Variants in GRID1 observed in about 807,000 individuals in gnomAD.
GRID1 encodes the protein glutamate receptor ionotropic, delta-1.
GRID1 carries 28 observed loss-of-function variants against 98.0 expected under a neutral mutation model. The observed-to-expected ratio is 0.29, with a 90% CI of 0.21 to 0.39. GRID1 has a LOEUF of 0.39. Ranked by LOEUF, GRID1 falls within the 10% of genes least tolerant of loss-of-function variation. The pLI is 1.00. For synonymous variants in GRID1, 553 were observed against 538.5 expected (o/e 1.03, Z -0.37); for missense variants, 1,111 against 1,340.5 (o/e 0.83, Z 2.67).
chr10:85,984,399 C>A (rs1040926423), intron 4 of GRID1, among the ~76,000 whole-genome samples: 2 of 152,210 alleles, frequency 1.3e-5, no homozygotes, highest in African/African-American at 4.8e-5. Flanking sequence ...TACCACCTGG[C>A]CACCTGGGGC....
At chr10:86,355,658 A>T (rs899941071) in intron 2 of GRID1, among the ~76,000 whole-genome samples, 1 of 152,204 alleles carries the variant, frequency 6.6e-6, no homozygotes, top group Non-Finnish European at 1.5e-5. Context: ...CCTTTCTTCA[A>T]CCGTGGCCAT....
chr10:86,303,685 G>T (rs1847721211), intron 2 of GRID1, among the ~76,000 whole-genome samples: 1 of 152,222 alleles, frequency 6.6e-6, no homozygotes, highest in Non-Finnish European at 1.5e-5. Context: ...AAGGGTTGTG[G>T]ACAGGATTTC....
intron 2 of GRID1, among the ~76,000 whole-genome samples, chr10:86,270,719 T>A (rs1847172974): frequency 6.6e-6 from 1 of 151,920 alleles, no homozygotes; most frequent in African/African-American, 2.4e-5. Context: ...AAAAACAATT[T>A]GTACTTCTGC....
chr10:85,851,171 A>G (rs928089192), intron 8 of GRID1, among the ~76,000 whole-genome samples: 4 of 152,170 alleles, frequency 2.6e-5, no homozygotes, highest in Non-Finnish European at 1.5e-5. Flanking sequence ...CTGAGCCCTG[A>G]AAAAAACATG....
intron 13 of GRID1, among the ~76,000 whole-genome samples, chr10:85,632,454 T>C (rs953592588): frequency 6.6e-6 from 1 of 152,236 alleles, no homozygotes; most frequent in South Asian, 2.1e-4. Context: ...CTTCTAATTC[T>C]TAGATCTGGA....
At chr10:85,766,730 TTGTGTGTGTGTGTGTG>T (rs35691322) in intron 8 of GRID1, among the ~76,000 whole-genome samples, 21 of 138,352 alleles carry the variant, frequency 1.5e-4, no homozygotes, top group African/African-American at 5.5e-4. Context: ...AGGCAGATGA[TTGTGTGTGTGTGTGTG>T]TGTGTGTGTG....
chr10:85,716,828 T>A (rs2132643187), intron 12 of GRID1, among the ~76,000 whole-genome samples: 1 of 151,942 alleles, frequency 6.6e-6, no homozygotes, highest in South Asian at 2.1e-4. Flanking sequence ...TATTATATTA[T>A]GTTAACTCAA....
At chr10:85,853,146 C>T (rs994267239) in intron 8 of GRID1, among the ~76,000 whole-genome samples, 15 of 152,072 alleles carry the variant, frequency 9.9e-5, no homozygotes, top group African/African-American at 2.2e-4. Context: ...GAGCTCTACA[C>T]GGCTCCCTCC....
At chr10:86,069,586 G>C (rs1001704768) in intron 4 of GRID1, among the ~76,000 whole-genome samples, 1 of 152,080 alleles carries the variant, frequency 6.6e-6, no homozygotes, top group Non-Finnish European at 1.5e-5. Flanking sequence ...AGGCGGAGCT[G>C]GCAGTGAGCC....
chr10:86,361,683 TTTACA>T (rs1289522622), intron 2 of GRID1, among the ~76,000 whole-genome samples: 2 of 152,224 alleles, frequency 1.3e-5, no homozygotes, highest in Non-Finnish European at 2.9e-5. Context: ...TACTGTGTTG[TTTACA>T]TTATTTTATT....
intron 4 of GRID1, among the ~76,000 whole-genome samples, chr10:86,134,625 C>G (rs1398950179): frequency 6.6e-6 from 1 of 152,186 alleles, no homozygotes; most frequent in Non-Finnish European, 1.5e-5. Context: ...CCAGCCTCAG[C>G]TCCAGCCACT....
At chr10:86,296,306 CTGTT>C (rs1423609928) in intron 2 of GRID1, among the ~76,000 whole-genome samples, 2 of 152,232 alleles carry the variant, frequency 1.3e-5, no homozygotes, top group African/African-American at 2.4e-5. Flanking sequence ...CAATGTCTGT[CTGTT>C]TGAGGACAAG....
chr10:85,816,045 G>A (rs1842713272), intron 8 of GRID1, among the ~76,000 whole-genome samples: 1 of 151,974 alleles, frequency 6.6e-6, no homozygotes, highest in Non-Finnish European at 1.5e-5. Flanking sequence ...CAAAAATGTG[G>A]AGCAAAAAGA....
chr10:85,965,608 G>A (rs11201855), intron 4 of GRID1, among the ~76,000 whole-genome samples: 4,140 of 152,140 alleles, frequency 0.027, 125 homozygotes, highest in East Asian at 0.13. Flanking sequence ...GACATAGGGA[G>A]AGGAACATCA....
In GRID1 at chr10:86,305,369, C is replaced by T. The variant is rs187229094; in HGVS notation, c.235+58572G>A. On this transcript the variant is annotated intron_variant, in intron 2 of 15. Coordinates refer to ENST00000327946, the MANE Select transcript of GRID1 (RefSeq NM_017551.3). ...CTGCTCTGAGATGTGTCCCATAAGCCTATCTCTATTTCTCTTAAACTGATG... is the reference window on the plus strand; with the variant it reads ...CTGCTCTGAGATGTGTCCCATAAGCTTATCTCTATTTCTCTTAAACTGATG... Among the ~76,000 whole-genome samples, 480 of 152,334 alleles carry T rather than the reference C, an allele frequency of 3.2e-3. 3 individuals carry two copies. The highest frequency in any genetic ancestry group is 9.8e-3 in the African/African-American group (408 of 41,582).
intron 4 of GRID1, among the ~76,000 whole-genome samples, chr10:85,950,535 C>T (rs1842106965): frequency 6.6e-6 from 1 of 152,154 alleles, no homozygotes. Flanking sequence ...CAAGCCTGAC[C>T]AGACTGTGAT....
chr10:86,202,502 C>A (rs1024428203), intron 3 of GRID1, among the ~76,000 whole-genome samples: 18 of 152,258 alleles, frequency 1.2e-4, no homozygotes, highest in African/African-American at 4.3e-4. Flanking sequence ...GTTCTCCATT[C>A]TTTTCGATCC....
intron 8 of GRID1, among the ~76,000 whole-genome samples, chr10:85,743,338 T>C (rs1196819459): frequency 1.3e-5 from 2 of 152,162 alleles, no homozygotes; most frequent in African/African-American, 4.8e-5. Flanking sequence ...TGAGTGACTT[T>C]AGTTAACATT....
Position 86,230,211 on chromosome 10 carries a change from C to T in GRID1, c.236-23563G>A, listed in dbSNP as rs536281710. On this transcript the variant is annotated intron_variant, in intron 2 of 15. Transcript: ENST00000327946. ...CCTGCCTGACCTCACCCTACAGTCCCGCCCCATCCCAGAACCACCACCCAC... is the reference window on the plus strand; with the variant it reads ...CCTGCCTGACCTCACCCTACAGTCCTGCCCCATCCCAGAACCACCACCCAC... Among the ~76,000 whole-genome samples the T allele has an allele frequency of 1.3e-4, 20 of 152,334 alleles. No homozygotes were observed. The East Asian group carries it at 1.5e-3, about 12-fold the overall frequency.
Sources: allele counts gnomAD v4.1 joint callset (sites outside exome capture counted in the v4.1 genomes callset), GRCh38; gene constraint gnomAD v4.1.1; transcripts MANE v1.5; gene names NCBI Gene and HGNC (gene_info 2026-07-23, HGNC 2026-07-21).